Variants in WHRN observed in about 807,000 individuals in gnomAD.
WHRN encodes CASK-interacting protein CIP98.
In WHRN, 41 loss-of-function variants were observed where a neutral mutation model predicts 68.3. The ratio of observed to expected loss-of-function variants is 0.60; its 90% CI spans 0.47 to 0.78. WHRN has a LOEUF of 0.78. Among genes scored for constraint, WHRN ranks in the 30% least tolerant of loss-of-function variants. WHRN has a pLI of 0.00. For synonymous variants in WHRN, 560 were observed against 561.3 expected, an observed-to-expected ratio of 1.00 and a Z score of 0.03; for missense variants, 1,243 against 1,244.7, an observed-to-expected ratio of 1.00 and a Z score of 0.02.
intron 7 of WHRN, among the ~76,000 whole-genome samples, chr9:114,411,679 G>A (rs746364184): frequency 5.3e-5 from 8 of 152,142 alleles, no homozygotes; most frequent in African/African-American, 1.4e-4. Flanking sequence ...GCCAGGCCCC[G>A]TGCTGGGTGT....
At chr9:114,463,529 G>A (rs957141517) in intron 3 of WHRN, among the ~76,000 whole-genome samples, 2 of 152,104 alleles carry the variant, frequency 1.3e-5, no homozygotes. Flanking sequence ...TGGAGAAACT[G>A]TGAATAAGGC....
intron 3 of WHRN, among the ~76,000 whole-genome samples, chr9:114,462,445 G>A (rs780739490): frequency 3.9e-5 from 6 of 152,160 alleles, no homozygotes; most frequent in Non-Finnish European, 8.8e-5. Context: ...GAGGCCCAGG[G>A]AGAGGAAGGA....
At chr9:114,413,185 GA>G (rs1032710826) in intron 7 of WHRN, among the ~76,000 whole-genome samples, 11 of 152,242 alleles carry the variant, frequency 7.2e-5, no homozygotes, top group Admixed American at 7.2e-4. Context: ...CTGCTGACAG[GA>G]AGGGAGATAA....
chr9:114,425,296 C>T, intron 4 of WHRN: 1 of 626,488 alleles, frequency 1.6e-6, no homozygotes, highest in Non-Finnish European at 2.9e-6. Context: ...CCCGCAGGAC[C>T]AGGCAGGTAA....
chr9:114,447,484 G>C (rs186904075), intron 3 of WHRN, among the ~76,000 whole-genome samples: 2 of 152,168 alleles, frequency 1.3e-5, no homozygotes, highest in Admixed American at 1.3e-4. Context: ...CAGTTATCAG[G>C]TAGTACTCCT....
chr9:114,428,817 C>T (rs1411244551), intron 3 of WHRN, among the ~76,000 whole-genome samples: 1 of 151,954 alleles, frequency 6.6e-6, no homozygotes, highest in Non-Finnish European at 1.5e-5. Context: ...GTCCTCCACC[C>T]CCATCAGCCC....
chr9:114,461,481 C>T (rs974509314), intron 3 of WHRN, among the ~76,000 whole-genome samples: 2 of 152,210 alleles, frequency 1.3e-5, no homozygotes, highest in Non-Finnish European at 2.9e-5. Context: ...TCTTGATCAT[C>T]GTCTTTTCAC....
chr9:114,489,833 T>G (rs1355375951), intron 1 of WHRN, among the ~76,000 whole-genome samples: 1 of 152,244 alleles, frequency 6.6e-6, no homozygotes. Flanking sequence ...GCAATCATTC[T>G]GCTTTCTCCT....
rs747084627 is a variant in WHRN at position 114,407,972 on chromosome 9, A to G, written c.1673T>C (p.Ile558Thr). Residue 558 changes from isoleucine to threonine, a missense_variant, in exon 8 of 12, where the codon ATC (isoleucine) becomes ACC (threonine). Coordinates refer to ENST00000362057, the MANE Select transcript of WHRN (RefSeq NM_015404.4). ...EETGEAVQGNINALPDVSVDD... is the reference protein window; with the variant it reads ...EETGEAVQGNTNALPDVSVDD... ...CACGGACACATCTGGGAGGGCGTTG[A>G]TATTGCCCTGGACAGCCTCGCCAGT... 1 of 1,604,330 alleles carries G rather than the reference A, an allele frequency of 6.2e-7. No individual in the cohort carries two copies.
At chr9:114,473,187 G>A (rs1841384108) in intron 2 of WHRN, among the ~76,000 whole-genome samples, 1 of 152,228 alleles carries the variant, frequency 6.6e-6, no homozygotes, top group African/African-American at 2.4e-5. Context: ...TAAGACTTAG[G>A]AAGTTCTCAA....
At chr9:114,417,823 G>A (rs767881185) in intron 7 of WHRN, among the ~76,000 whole-genome samples, 5 of 152,230 alleles carry the variant, frequency 3.3e-5, no homozygotes, top group Admixed American at 6.5e-5. Flanking sequence ...GAAGAGGTGG[G>A]AATATAGAGT....
At chr9:114,431,730 ACT>A in intron 3 of WHRN, among the ~76,000 whole-genome samples, 1 of 152,320 alleles carries the variant, frequency 6.6e-6, no homozygotes, top group East Asian at 1.9e-4. Context: ...ACTGAAACCA[ACT>A]CAGAGTTAGA....
At chr9:114,433,142 C>T (rs1837559839) in intron 3 of WHRN, among the ~76,000 whole-genome samples, 1 of 152,232 alleles carries the variant, frequency 6.6e-6, no homozygotes, top group Admixed American at 6.5e-5. Flanking sequence ...TTAAGAAAAG[C>T]CAGCCTGCCC....
In WHRN at chr9:114,403,917, G is replaced by GGGCC. The variant is rs759816704; in HGVS notation, c.2393_2396dup (p.Thr800AlafsTer44). 1 of 1,611,010 alleles carries GGGCC rather than the reference G, an allele frequency of 6.2e-7. No homozygotes were observed. The highest frequency in any genetic ancestry group is 1.1e-5 in the South Asian group (1 of 91,068). ...TCACCGGTTTGTTGGCCCCATCTGT[G>GGGCC]GGCCTCTCGTTCCGAGGCAGCTCCT... is the stretch of plus-strand genomic sequence containing the variant. On this transcript the variant is annotated frameshift_variant, in exon 10 of 12. Coordinates refer to ENST00000362057, the MANE Select transcript of WHRN (RefSeq NM_015404.4). LOFTEE classifies it high-confidence loss of function.
At chr9:114,413,511 A>T (rs1358893600) in intron 7 of WHRN, among the ~76,000 whole-genome samples, 1 of 152,176 alleles carries the variant, frequency 6.6e-6, no homozygotes, top group Non-Finnish European at 1.5e-5. Context: ...TTTGTGGGAC[A>T]AGACCCTGGA....
At chr9:114,450,095 C>A (rs1839190537) in intron 3 of WHRN, among the ~76,000 whole-genome samples, 1 of 152,140 alleles carries the variant, frequency 6.6e-6, no homozygotes, top group African/African-American at 2.4e-5. Flanking sequence ...GGGATAGGCA[C>A]TCCCGAGGGC....
At chr9:114,497,092 C>G (rs1470049530) in intron 1 of WHRN, among the ~76,000 whole-genome samples, 1 of 152,244 alleles carries the variant, frequency 6.6e-6, no homozygotes, top group Non-Finnish European at 1.5e-5. Context: ...AAGGCTCTAA[C>G]ACACAGGTAT....
At chr9:114,448,773 G>A (rs1839058985) in intron 3 of WHRN, among the ~76,000 whole-genome samples, 1 of 152,158 alleles carries the variant, frequency 6.6e-6, no homozygotes, top group South Asian at 2.1e-4. Flanking sequence ...GAGGAAACAG[G>A]CTTCCAGATG....
chr9:114,419,290 C>T (rs1461677757), intron 7 of WHRN, among the ~76,000 whole-genome samples: 2 of 152,148 alleles, frequency 1.3e-5, no homozygotes, highest in African/African-American at 2.4e-5. Flanking sequence ...CTGGGATGGT[C>T]AAAGAAGATA....
Sources: allele counts gnomAD v4.1 joint callset (sites outside exome capture counted in the v4.1 genomes callset), GRCh38; gene constraint gnomAD v4.1.1; transcripts MANE v1.5; gene names NCBI Gene and HGNC (gene_info 2026-07-23, HGNC 2026-07-21).